The following APLP2 variants were observed in gnomAD, a reference collection of about 807,000 sequenced individuals.
APLP2 encodes amyloid beta precursor like protein 2, also known as CDEI box-binding protein.
Under a neutral mutation model 89.9 loss-of-function variants are expected in APLP2, and 53 were observed. The observed-to-expected ratio is 0.59, with a 90% confidence interval of 0.47 to 0.74. The LOEUF (loss-of-function observed/expected upper bound fraction) is 0.74. Ranked by LOEUF, APLP2 falls within the 30% of genes least tolerant of loss-of-function variation. The pLI, the probability that APLP2 is intolerant of heterozygous loss-of-function variation, is 0.00. For missense variants in APLP2, 973 were observed against 975.9 expected (o/e 1.00, Z 0.04); for synonymous variants, 372 against 348.6 (o/e 1.07, Z -0.75).
At chr11:130,121,551 G>A (rs1390952837) in intron 4 of APLP2, 63 bp from the exon 5 acceptor site, 105 of 1,492,700 alleles carry the variant, frequency 7.0e-5, no homozygotes, top group East Asian at 2.1e-4. Context: ...GGTAGAGATC[G>A]GAGTGTATTT....
intron 3 of APLP2, among the ~76,000 whole-genome samples, chr11:130,120,095 A>T (rs1401723530): frequency 6.6e-6 from 1 of 152,222 alleles, no homozygotes; most frequent in Non-Finnish European, 1.5e-5. Flanking sequence ...TGGCAGAAAT[A>T]CTGTGTAGGT....
chr11:130,092,478 G>C (rs1440561623), intron 1 of APLP2, among the ~76,000 whole-genome samples: 1 of 136,360 alleles, frequency 7.3e-6, no homozygotes, highest in African/African-American at 3.0e-5. Flanking sequence ...CCGGCACCTC[G>C]GGAGGCCGAG....
At chr11:130,142,566 G>A (rs1050663867) in intron 16 of APLP2, among the ~76,000 whole-genome samples, 2 of 152,102 alleles carry the variant, frequency 1.3e-5, no homozygotes, top group Non-Finnish European at 2.9e-5. Context: ...TGAGCCCTGG[G>A]AAATTAGTGC....
At chr11:130,095,482 T>G (rs563397217) in intron 1 of APLP2, among the ~76,000 whole-genome samples, 1 of 152,348 alleles carries the variant, frequency 6.6e-6, no homozygotes, top group East Asian at 1.9e-4. Flanking sequence ...GGATAATATC[T>G]GGACTGAAAA....
rs114917804 is a variant in APLP2, at chr11:130,132,381, C to A, written c.1585-1248C>A. ...AGCTTTTTTTTTCATTTTGATCCTT[C>A]ATGTTAATGGCTTCAGGCCCACATA... On this transcript the variant is annotated intron_variant, in intron 11 of 16. Coordinates refer to ENST00000338167, the MANE Select transcript of APLP2 (RefSeq NM_001142276.2). Among the ~76,000 whole-genome samples the A allele has an allele frequency of 4.8e-3, 727 of 152,148 alleles. 4 individuals carry two copies. Among genetic ancestry groups the A allele is most frequent in the African/African-American group, 0.017 (705 of 41,504 alleles).
Position 130,102,751 on chromosome 11 carries a change from CT to C in APLP2, c.106-6676del, listed in dbSNP as rs771764195. Among the ~76,000 whole-genome samples, 196 of 152,176 alleles carry C rather than the reference CT, an allele frequency of 1.3e-3. 2 individuals are homozygous for C. The highest frequency in any genetic ancestry group is 5.9e-4 in the Non-Finnish European group (40 of 68,032). On this transcript the variant is annotated intron_variant, in intron 1 of 16. Coordinates refer to ENST00000338167, the MANE Select transcript of APLP2 (RefSeq NM_001142276.2). ...TTATTTAGATTTACATATTTATTTC[CT>C]TAAGCCATTTCAGGTTTTCGACCAA...
chr11:130,135,264 GT>G (rs1316394892), intron 12 of APLP2, among the ~76,000 whole-genome samples: 1 of 152,174 alleles, frequency 6.6e-6, no homozygotes, highest in African/African-American at 2.4e-5. Context: ...TCATTTCATG[GT>G]GTATATGTAT....
rs2276116 is a variant in APLP2 at position 130,128,951 on chromosome 11, T to C, written c.1297-97T>C. On this transcript the variant is annotated intron_variant, in intron 9 of 16. Transcript: ENST00000338167. ...TCTCCGAACCTGTTACTGTCTCGCATGGGCACTGACAGGAGAAGCACTGGG... is the reference window on the plus strand; with the variant it reads ...TCTCCGAACCTGTTACTGTCTCGCACGGGCACTGACAGGAGAAGCACTGGG... The C allele has an allele frequency of 2.2e-6, 3 of 1,375,274 alleles. No individual in the cohort carries two copies. The East Asian group carries it at 7.2e-5, about 33-fold the overall frequency. 85.2% of individuals were successfully genotyped at this position (1,375,274 alleles called of 1,614,324 possible). A position where few individuals can be genotyped will look rare whatever the true frequency, so the allele number is the denominator to read the frequency against.
At chr11:130,080,896 A>T (rs1206906991) in intron 1 of APLP2, among the ~76,000 whole-genome samples, 1 of 151,184 alleles carries the variant, frequency 6.6e-6, no homozygotes, top group Non-Finnish European at 1.5e-5. Context: ...ATGGGGTTTC[A>T]CTGTGTTAGC....
chr11:130,112,729 A>G (rs531883739), intron 3 of APLP2, among the ~76,000 whole-genome samples: 3 of 152,310 alleles, frequency 2.0e-5, no homozygotes, highest in South Asian at 4.2e-4. Context: ...TGTTGCCTGC[A>G]GATTGAAAAT....
At chr11:130,136,863 G>C (rs373702589) in intron 13 of APLP2, among the ~76,000 whole-genome samples, 1 of 152,172 alleles carries the variant, frequency 6.6e-6, no homozygotes, top group Admixed American at 6.5e-5. Context: ...TGTGCTTGTT[G>C]GGGGTCGGGG....
At chr11:130,074,325 C>T (rs916466663) in intron 1 of APLP2, among the ~76,000 whole-genome samples, 4 of 152,174 alleles carry the variant, frequency 2.6e-5, no homozygotes, top group Non-Finnish European at 5.9e-5. Context: ...AAGCGACTCT[C>T]CTGCCTCAGC....
chr11:130,108,559 G>A (rs1242986903), intron 1 of APLP2: 1 of 152,184 alleles, frequency 6.6e-6, no homozygotes, highest in Non-Finnish European at 1.5e-5. Context: ...GGAAACAACA[G>A]GTGCTGGAGA....
chr11:130,120,837 A>G lies in APLP2; in HGVS notation c.516+19A>G, dbSNP rs770271224. 1.8e-5 allele frequency: 28 copies of G among 1,550,792 alleles called. 1 individual carries two copies. The South Asian group carries it at 3.0e-4, about 17-fold the overall frequency. ...CAAAGAGGTAAGAGAACTCGGGGGG[A>G]AAGTCAGCTGCTGTTGTATCTGTTA... On this transcript the variant is annotated intron_variant, in intron 4 of 16. Coordinates refer to ENST00000338167, the MANE Select transcript of APLP2 (RefSeq NM_001142276.2).
chr11:130,095,203 C>G (rs1946036710), intron 1 of APLP2, among the ~76,000 whole-genome samples: 1 of 152,154 alleles, frequency 6.6e-6, no homozygotes, highest in African/African-American at 2.4e-5. Context: ...GATTCTGTCT[C>G]TACAAAAAAG....
intron 13 of APLP2, 119 bp from the exon 14 acceptor site, chr11:130,140,279 G>A (rs958042641): frequency 7.8e-5 from 49 of 628,130 alleles, no homozygotes; most frequent in South Asian, 2.3e-4. Flanking sequence ...CAGATGAGTC[G>A]CGTGGGGAGG....
At chr11:130,109,280 A>T (rs750392175) in intron 1 of APLP2, 149 bp from the exon 2 acceptor site, 1 of 699,276 alleles carries the variant, frequency 1.4e-6, no homozygotes, top group Non-Finnish European at 2.2e-6. Context: ...ATTCTGTTCT[A>T]GCTCCTGGGA....
In APLP2 at chr11:130,110,546, A is replaced by C. The variant is rs1459988182; in HGVS notation, c.288A>C (p.Pro96=). 1 of 1,613,658 alleles carries C rather than the reference A, an allele frequency of 6.2e-7. No homozygotes were observed. The highest frequency in any genetic ancestry group is 8.5e-7 in the Non-Finnish European group (1 of 1,179,914). Residue 96 remains proline, a synonymous_variant, in exon 3 of 17, where the codon CCA becomes CCC. Transcript: ENST00000338167. ...EVLQYCQEMY[P]ELQITNVMEA... ...GTTTGTTTTCTTAACAGATGTATCC[A>C]GAGCTACAGATCACAAATGTGATGG... is the stretch of plus-strand genomic sequence containing the variant.
At chr11:130,078,201 A>G (rs1020189595) in intron 1 of APLP2, among the ~76,000 whole-genome samples, 1 of 145,112 alleles carries the variant, frequency 6.9e-6, no homozygotes, top group African/African-American at 2.5e-5. Context: ...AAGTGGAATC[A>G]TTCCGTATAT....
Sources: gnomAD v4.1 joint callset for allele counts (sites outside exome capture counted in the v4.1 genomes callset) on GRCh38, gnomAD v4.1.1 for gene constraint, MANE v1.5 for transcripts, NCBI Gene and HGNC (gene_info 2026-07-23, HGNC 2026-07-21) for gene names.